The following SEPTIN11 variants were observed in gnomAD, a reference collection of about 807,000 sequenced individuals.
The protein encoded by SEPTIN11 is septin 11.
Under a neutral mutation model 51.4 loss-of-function variants are expected in SEPTIN11, and 25 were observed. The observed-to-expected ratio is 0.49, with a 90% CI of 0.35 to 0.68. The LOEUF (loss-of-function observed/expected upper bound fraction) is 0.68, where lower values mean the gene tolerates loss of function less well. SEPTIN11 is among the 30% of genes least tolerant of loss of function. The probability of loss-of-function intolerance (pLI) is 0.00; values close to 1 mark genes in which losing one functional copy is unlikely to be tolerated. For synonymous variants in SEPTIN11, 174 were observed against 184.1 expected (o/e 0.95, Z 0.44); for missense variants, 381 against 520.8 (o/e 0.73, Z 2.61).
intron 3 of SEPTIN11, among the ~76,000 whole-genome samples, chr4:77,010,912 G>A (rs1270266785): frequency 6.6e-6 from 1 of 152,148 alleles, no homozygotes; most frequent in Non-Finnish European, 1.5e-5. Flanking sequence ...CTGGACATGT[G>A]GTTTATGGAA....
At chr4:77,039,490 C>A, downstream of SEPTIN11, 1 of 985,310 alleles carries the variant, frequency 1.0e-6, no homozygotes, top group South Asian at 4.7e-5. Flanking sequence ...ACACCCAGGG[C>A]CCACAAACTT....
intron 4 of SEPTIN11, among the ~76,000 whole-genome samples, chr4:77,013,919 G>C (rs1324758727): frequency 6.6e-6 from 1 of 152,116 alleles, no homozygotes; most frequent in African/African-American, 2.4e-5. Context: ...TGAAACCTGT[G>C]TTTACAGGGA....
chr4:77,004,731 G>A (rs2645663), intron 2 of SEPTIN11, among the ~76,000 whole-genome samples: 60,057 of 151,732 alleles, frequency 0.4, 12,167 homozygotes, highest in Non-Finnish European at 0.45. Flanking sequence ...AGGAGGCTGA[G>A]GCAGGTGGAC....
intron 8 of SEPTIN11, 65 bp from the exon 9 acceptor site, chr4:77,030,718 C>A: frequency 6.8e-7 from 1 of 1,466,874 alleles, no homozygotes; most frequent in Non-Finnish European, 9.1e-7. Context: ...TGAACAGATC[C>A]AAAGAACTTT....
At position 77,037,017 on chromosome 4, in the gene SEPTIN11, C is replaced by T. The variant is rs1727078959; in HGVS notation, c.*2505C>T. 4.0e-6 allele frequency: 5 copies of T among 1,241,818 alleles called. No individual in the cohort carries two copies. The highest frequency in any genetic ancestry group is 3.4e-5 in the East Asian group (1 of 29,382). The allele number at this position is 1,241,818 out of a possible 1,614,324, so 76.9% of individuals were successfully genotyped here. A position where few individuals can be genotyped will look rare whatever the true frequency, so the allele number is the denominator to read the frequency against. On this transcript the variant is annotated 3_prime_UTR_variant, in exon 10 of 10. Transcript: ENST00000264893. The stretch of plus-strand genomic sequence containing the variant: ...AAAGGCCACATTTATATTTTTTTCA[C>T]AAGAACCACATAATAAATTCCACTT...
At chr4:76,954,499 A>G (rs751069216) in intron 1 of SEPTIN11, among the ~76,000 whole-genome samples, 1 of 152,196 alleles carries the variant, frequency 6.6e-6, no homozygotes, top group Admixed American at 6.5e-5. Flanking sequence ...ATTGACAGAA[A>G]ACTCTCAAAT....
At chr4:76,960,494 T>C (rs996329283) in intron 1 of SEPTIN11, among the ~76,000 whole-genome samples, 5 of 152,194 alleles carry the variant, frequency 3.3e-5, no homozygotes, top group Non-Finnish European at 7.3e-5. Context: ...ATTAATTTGC[T>C]GCCACTAGCT....
chr4:77,010,094 G>T (rs1398295936), intron 3 of SEPTIN11: 1 of 151,986 alleles, frequency 6.6e-6, no homozygotes, highest in African/African-American at 2.4e-5. Flanking sequence ...TGACTTTTAT[G>T]TGCCAGCCCT....
rs992511037 is a variant in SEPTIN11, at chr4:77,036,499, T to G, written c.*1987T>G. The G allele has an allele frequency of 7.6e-6, 10 of 1,323,886 alleles. No individual in the cohort carries two copies. Among genetic ancestry groups the G allele is most frequent in the Non-Finnish European group, 7.7e-6 (8 of 1,036,912 alleles). The allele number at this position is 1,323,886 out of a possible 1,614,324, so 82.0% of individuals were successfully genotyped here. On this transcript the variant is annotated 3_prime_UTR_variant, in exon 10 of 10. Coordinates refer to ENST00000264893, the MANE Select transcript of SEPTIN11 (RefSeq NM_018243.4). The stretch of plus-strand genomic sequence containing the variant: ...ATTGTCTCTTGCATCACTAAAATTT[T>G]TTTAAAATGAGCATAACAACGAAAG...
At chr4:76,954,640 A>C (rs1315822132) in intron 1 of SEPTIN11, among the ~76,000 whole-genome samples, 1 of 152,222 alleles carries the variant, frequency 6.6e-6, no homozygotes, top group African/African-American at 2.4e-5. Context: ...GGCGATCTAA[A>C]ATGAAATTCA....
intron 7 of SEPTIN11, among the ~76,000 whole-genome samples, chr4:77,023,290 ACACACACACAC>A (rs1725860723): frequency 6.8e-6 from 1 of 147,976 alleles, no homozygotes; most frequent in African/African-American, 2.5e-5. Context: ...ACACACACAC[ACACACACACAC>A]AATATATATA....
At chr4:76,970,743 TGA>T (rs1722205849) in intron 1 of SEPTIN11, among the ~76,000 whole-genome samples, 1 of 152,206 alleles carries the variant, frequency 6.6e-6, no homozygotes, top group Non-Finnish European at 1.5e-5. Context: ...AATACTACAG[TGA>T]CTGGTGAGGC....
intron 1 of SEPTIN11, among the ~76,000 whole-genome samples, chr4:76,976,159 A>C (rs1387275593): frequency 6.6e-6 from 1 of 151,626 alleles, no homozygotes; most frequent in Non-Finnish European, 1.5e-5. Flanking sequence ...ACTTAAAGAA[A>C]CCTCTGGTTT....
At chr4:77,017,509 G>A (rs896225124) in intron 5 of SEPTIN11, among the ~76,000 whole-genome samples, 2 of 152,160 alleles carry the variant, frequency 1.3e-5, no homozygotes, top group African/African-American at 2.4e-5. Flanking sequence ...AAACAATAGG[G>A]TTCAGGTCTG....
chr4:76,995,683 C>A, intron 1 of SEPTIN11: 1 of 1,123,590 alleles, frequency 8.9e-7, no homozygotes, highest in Non-Finnish European at 1.2e-6. Context: ...GCAGCCAGTA[C>A]CATTTTATAT....
intron 1 of SEPTIN11, among the ~76,000 whole-genome samples, chr4:76,951,600 C>G (rs1184730479): frequency 3.3e-5 from 5 of 152,278 alleles, no homozygotes; most frequent in Middle Eastern, 6.8e-3. Context: ...ATAACAATAT[C>G]TGCTTTAGAT....
chr4:77,026,518 C>T (rs899383120), intron 7 of SEPTIN11, among the ~76,000 whole-genome samples: 3 of 152,176 alleles, frequency 2.0e-5, no homozygotes, highest in Admixed American at 6.5e-5. Context: ...AGTGCCCCTG[C>T]TGTATGGCCA....
chr4:77,012,678 A>AT (rs1437784688), intron 4 of SEPTIN11, among the ~76,000 whole-genome samples: 1 of 152,186 alleles, frequency 6.6e-6, no homozygotes, highest in Non-Finnish European at 1.5e-5. Context: ...TGTTACTATG[A>AT]TTTTATCTAA....
chr4:76,996,686 C>T (rs1478712970), intron 2 of SEPTIN11, 147 bp downstream of exon 2: 1 of 620,860 alleles, frequency 1.6e-6, no homozygotes. Flanking sequence ...CTGCCTTATA[C>T]ATGTCACAAG....
Sources: gnomAD v4.1 joint callset for allele counts (sites outside exome capture counted in the v4.1 genomes callset) on GRCh38, gnomAD v4.1.1 for gene constraint, MANE v1.5 for transcripts, NCBI Gene and HGNC (gene_info 2026-07-23, HGNC 2026-07-21) for gene names.